The following ERBB4 variants were observed in gnomAD, a reference collection of about 807,000 sequenced individuals.
ERBB4 encodes erb-b2 receptor tyrosine kinase 4.
In ERBB4, 42 loss-of-function variants were observed where a neutral mutation model predicts 158.0. The observed-to-expected ratio is 0.27, with a 90% CI of 0.21 to 0.34. The LOEUF (loss-of-function observed/expected upper bound fraction) is 0.34, where lower values mean the gene tolerates loss of function less well. ERBB4 is among the 10% of genes least tolerant of loss of function. ERBB4 has a pLI of 1.00. For synonymous variants in ERBB4, 583 were observed against 558.7 expected (o/e 1.04, Z -0.61); for missense variants, 1,333 against 1,624.1 (o/e 0.82, Z 3.08).
intron 1 of ERBB4, among the ~76,000 whole-genome samples, chr2:212,288,303 G>A (rs914572819): frequency 6.6e-6 from 1 of 152,144 alleles, no homozygotes; most frequent in African/African-American, 2.4e-5. Context: ...AATGGCAAAA[G>A]GAGAATAGGT....
intron 1 of ERBB4, among the ~76,000 whole-genome samples, chr2:212,503,860 G>A (rs1008231669): frequency 9.4e-5 from 14 of 149,464 alleles, no homozygotes; most frequent in African/African-American, 3.4e-4. Flanking sequence ...ATGTCTTAAG[G>A]GATCTCAAAC....
Position 212,483,910 on chromosome 2 carries a change from T to A in ERBB4, c.82+54539A>T, listed in dbSNP as rs1022263479. On this transcript the variant is annotated intron_variant, in intron 1 of 27. Transcript: ENST00000342788. ...TGCAACCACGCCCCTCTAATTTTTT[T>A]AATTTTTAATAGAGACGGAGTTTCA... Among the ~76,000 whole-genome samples, 8 of 152,216 alleles carry A rather than the reference T, an allele frequency of 5.3e-5. No homozygotes were observed. In the East Asian group the frequency reaches 5.8e-4, roughly 11 times the overall value.
In ERBB4 at chr2:211,382,237, A is replaced by G. The variant is rs1335317926; in HGVS notation, c.*1378T>C. The G allele has an allele frequency of 8.6e-6, 2 of 231,588 alleles. No homozygotes were observed. Among genetic ancestry groups the G allele is most frequent in the Non-Finnish European group, 8.5e-6 (1 of 117,078 alleles). 14.3% of individuals were successfully genotyped at this position (231,588 alleles called of 1,614,324 possible). A position where few individuals can be genotyped will look rare whatever the true frequency, so the allele number is the denominator to read the frequency against. The stretch of plus-strand genomic sequence containing the variant: ...TAAATAGTCTCATACTAGAAATTCC[A>G]TGGAATTCAAGCCAATCCTTACTCG... On this transcript the variant is annotated 3_prime_UTR_variant, in exon 28 of 28. Transcript: ENST00000342788.
chr2:211,995,763 G>A (rs1464262955), intron 2 of ERBB4, among the ~76,000 whole-genome samples: 1 of 152,092 alleles, frequency 6.6e-6, no homozygotes, highest in Non-Finnish European at 1.5e-5. Context: ...AGTTCCTTCA[G>A]GTCTCAGTTG....
intron 12 of ERBB4, among the ~76,000 whole-genome samples, chr2:211,688,943 G>C (rs1297659300): frequency 1.3e-5 from 2 of 151,992 alleles, no homozygotes; most frequent in Non-Finnish European, 2.9e-5. Context: ...TTACTTAATT[G>C]TGGTTTTCTC....
intron 1 of ERBB4, among the ~76,000 whole-genome samples, chr2:212,451,815 C>T (rs1403515877): frequency 6.6e-6 from 1 of 152,104 alleles, no homozygotes; most frequent in Non-Finnish European, 1.5e-5. Context: ...CTTAAGCATA[C>T]ATTCCTTTCA....
intron 1 of ERBB4, among the ~76,000 whole-genome samples, chr2:212,302,184 A>G (rs552508563): frequency 6.6e-6 from 1 of 151,592 alleles, no homozygotes; most frequent in African/African-American, 2.4e-5. Flanking sequence ...TTATGAAGCC[A>G]ACACTACCTT....
At chr2:212,203,567 T>C (rs559931766) in intron 1 of ERBB4, among the ~76,000 whole-genome samples, 2 of 152,336 alleles carry the variant, frequency 1.3e-5, no homozygotes, top group Non-Finnish European at 2.9e-5. Flanking sequence ...TGAACAACTT[T>C]TTAATGAATC....
intron 1 of ERBB4, among the ~76,000 whole-genome samples, chr2:212,475,245 C>T (rs1689326885): frequency 6.6e-6 from 1 of 152,140 alleles, no homozygotes; most frequent in Middle Eastern, 3.2e-3. Flanking sequence ...GGGTCCAGTG[C>T]TTCTCTGTGC....
chr2:211,634,370 TTA>T (rs1212509593), intron 16 of ERBB4, among the ~76,000 whole-genome samples: 2 of 152,216 alleles, frequency 1.3e-5, no homozygotes, highest in East Asian at 3.8e-4. Flanking sequence ...TTGATTACTA[TTA>T]TGTTTCTTAC....
chr2:212,373,389 T>C (rs991802085), intron 1 of ERBB4, among the ~76,000 whole-genome samples: 1 of 152,054 alleles, frequency 6.6e-6, no homozygotes, highest in African/African-American at 2.4e-5. Context: ...GCAATGACTA[T>C]TTTTAGGAGC....
intron 1 of ERBB4, among the ~76,000 whole-genome samples, chr2:212,129,339 C>T (rs2080037057): frequency 6.6e-6 from 1 of 151,502 alleles, no homozygotes; most frequent in Non-Finnish European, 1.5e-5. Context: ...TTGAGAGATG[C>T]ATCTATTACT....
intron 20 of ERBB4, among the ~76,000 whole-genome samples, chr2:211,560,880 T>C (rs993071419): frequency 2.0e-5 from 3 of 152,186 alleles, no homozygotes; most frequent in African/African-American, 7.2e-5. Flanking sequence ...CTTTTTTCTA[T>C]AATGTGCTTT....
chr2:212,499,165 T>C lies in ERBB4; in HGVS notation c.82+39284A>G, dbSNP rs574657702. Among the ~76,000 whole-genome samples the C allele has an allele frequency of 4.1e-4, 63 of 152,214 alleles. 1 individual carries two copies. In the Middle Eastern group the frequency reaches 0.014, roughly 33 times the overall value. ...GTTAATTGGTTTTGTTGAAACCGCATTAAATGCTACAGTAGGTTCCTAAGA... is the reference window on the plus strand; with the variant it reads ...GTTAATTGGTTTTGTTGAAACCGCACTAAATGCTACAGTAGGTTCCTAAGA... On this transcript the variant is annotated intron_variant, in intron 1 of 27. Coordinates refer to ENST00000342788, the MANE Select transcript of ERBB4 (RefSeq NM_005235.3).
chr2:211,832,619 T>A (rs1027795339), intron 3 of ERBB4, among the ~76,000 whole-genome samples: 2 of 150,598 alleles, frequency 1.3e-5, no homozygotes, highest in African/African-American at 4.9e-5. Flanking sequence ...TATATATATA[T>A]ACATATATAT....
intron 1 of ERBB4, among the ~76,000 whole-genome samples, chr2:212,438,712 C>A (rs1045999656): frequency 5.3e-5 from 8 of 151,948 alleles, no homozygotes; most frequent in African/African-American, 1.9e-4. Flanking sequence ...TCCCGTTAAT[C>A]TGTATATTTA....
intron 1 of ERBB4, among the ~76,000 whole-genome samples, chr2:212,305,670 T>C (rs1266527614): frequency 6.6e-6 from 1 of 151,420 alleles, no homozygotes; most frequent in African/African-American, 2.4e-5. Context: ...CATTTGATAG[T>C]TTTTATGGAT....
At chr2:212,062,860 G>A (rs1331280339) in intron 2 of ERBB4, among the ~76,000 whole-genome samples, 1 of 152,114 alleles carries the variant, frequency 6.6e-6, no homozygotes, top group Non-Finnish European at 1.5e-5. Context: ...TGTGTATAAT[G>A]TCATCTCCAC....
intron 20 of ERBB4, among the ~76,000 whole-genome samples, chr2:211,502,967 A>G (rs1468853294): frequency 1.3e-5 from 2 of 152,072 alleles, no homozygotes; most frequent in Non-Finnish European, 1.5e-5. Flanking sequence ...CTTAATAGAG[A>G]GGCAATGGAG....
Sources: allele counts gnomAD v4.1 joint callset (sites outside exome capture counted in the v4.1 genomes callset), GRCh38; gene constraint gnomAD v4.1.1; transcripts MANE v1.5; gene names NCBI Gene and HGNC (gene_info 2026-07-23, HGNC 2026-07-21).